The following IDE variants were observed in gnomAD, a reference collection of about 807,000 sequenced individuals.
IDE encodes insulin degrading enzyme.
In IDE, 58 loss-of-function variants were observed where a neutral mutation model predicts 133.2. The observed-to-expected ratio is 0.44, with a 90% CI of 0.35 to 0.54. The LOEUF is 0.54. Ranked by LOEUF, IDE falls within the 20% of genes least tolerant of loss-of-function variation. The pLI is 0.00. For synonymous variants in IDE, 396 were observed against 421.3 expected, an observed-to-expected ratio of 0.94 and a Z score of 0.73; for missense variants, 981 against 1,234.0, an observed-to-expected ratio of 0.79 and a Z score of 3.07.
chr10:92,481,218 T>C (rs925166894), intron 14 of IDE, among the ~76,000 whole-genome samples: 5 of 152,098 alleles, frequency 3.3e-5, no homozygotes, highest in Admixed American at 3.3e-4. Context: ...AGCCAGAAAA[T>C]CCAAGTTTTG....
intron 1 of IDE, among the ~76,000 whole-genome samples, chr10:92,549,243 T>A (rs1449697955): frequency 6.8e-6 from 1 of 147,826 alleles, no homozygotes; most frequent in African/African-American, 2.5e-5. Context: ...GGCAACAGAG[T>A]GAGACTGTGT....
At chr10:92,557,996 A>C (rs1369758645) in intron 1 of IDE, among the ~76,000 whole-genome samples, 1 of 152,220 alleles carries the variant, frequency 6.6e-6, no homozygotes, top group Non-Finnish European at 1.5e-5. Flanking sequence ...CACACCATAC[A>C]TAAAAACTAA....
At chr10:92,568,872 T>A (rs1589561344) in intron 1 of IDE, among the ~76,000 whole-genome samples, 1 of 151,746 alleles carries the variant, frequency 6.6e-6, no homozygotes. Context: ...AGGAGCAGAG[T>A]TATAATTGGA....
chr10:92,506,606 T>C (rs998415905), intron 9 of IDE, 84 bp from the exon 10 acceptor site: 15 of 657,924 alleles, frequency 2.3e-5, no homozygotes, highest in Middle Eastern at 3.3e-4. Context: ...TGGCTTGCAC[T>C]ATAAGCTTTC....
intron 11 of IDE, among the ~76,000 whole-genome samples, chr10:92,501,365 A>G (rs1848002657): frequency 8.0e-6 from 1 of 124,782 alleles, no homozygotes; most frequent in Non-Finnish European, 1.7e-5. Context: ...CTGTCATTAA[A>G]AAAAAAAAAA....
chr10:92,487,090 A>T, intron 13 of IDE, 106 bp downstream of exon 13: 1 of 1,052,044 alleles, frequency 9.5e-7, no homozygotes, highest in Non-Finnish European at 1.4e-6. Flanking sequence ...TTAGGATGTG[A>T]GCCTCCCCAA....
intron 1 of IDE, among the ~76,000 whole-genome samples, chr10:92,563,148 G>A (rs1023157637): frequency 5.9e-5 from 9 of 152,242 alleles, no homozygotes; most frequent in Admixed American, 2.0e-4. Flanking sequence ...CTACTTGGGA[G>A]GCTGAGACAG....
At chr10:92,518,083 C>T (rs1849027279) in intron 4 of IDE, among the ~76,000 whole-genome samples, 1 of 151,914 alleles carries the variant, frequency 6.6e-6, no homozygotes, top group Non-Finnish European at 1.5e-5. Context: ...AAAAAAAAGG[C>T]CTTTTGCTGG....
At chr10:92,499,815 AT>A (rs1439498622) in intron 11 of IDE, among the ~76,000 whole-genome samples, 19 of 151,536 alleles carry the variant, frequency 1.3e-4, no homozygotes, top group African/African-American at 4.6e-4. Flanking sequence ...ATATTTTTCT[AT>A]TTTTTCTGGA....
In IDE at chr10:92,508,468, C is replaced by A. The variant is rs551734885; in HGVS notation, c.1060+260G>T. Among the ~76,000 whole-genome samples the A allele has an allele frequency of 1.9e-4, 25 of 132,372 alleles. No homozygotes were observed. In the East Asian group the frequency reaches 4.9e-3, roughly 26 times the overall value. The allele number at this position is 132,372 out of a possible 152,430, so 86.8% of individuals were successfully genotyped here. ...GTGGCTCATGCCTCTAATCCCAGCACTTTAGGAGGCCAAGATGGGCGGATC... is the reference window on the plus strand; with the variant it reads ...GTGGCTCATGCCTCTAATCCCAGCAATTTAGGAGGCCAAGATGGGCGGATC... On this transcript the variant is annotated intron_variant, in intron 7 of 24. Coordinates refer to ENST00000265986, the MANE Select transcript of IDE (RefSeq NM_004969.4).
intron 4 of IDE, among the ~76,000 whole-genome samples, chr10:92,524,342 T>A (rs1262360243): frequency 2.0e-5 from 1 of 49,358 alleles, no homozygotes; most frequent in African/African-American, 8.3e-5. Flanking sequence ...ATATATTATA[T>A]TATATATAAT....
chr10:92,495,869 C>T (rs1218064501), intron 11 of IDE, among the ~76,000 whole-genome samples: 1 of 151,520 alleles, frequency 6.6e-6, no homozygotes, highest in Non-Finnish European at 1.5e-5. Context: ...ATGCTAAAAA[C>T]CATTTTTTAA....
At chr10:92,507,365 C>T (rs1014232618) in intron 9 of IDE, among the ~76,000 whole-genome samples, 4 of 152,102 alleles carry the variant, frequency 2.6e-5, no homozygotes, top group African/African-American at 7.2e-5. Flanking sequence ...AAGGGCTACA[C>T]GATGCCTTTC....
intron 4 of IDE, among the ~76,000 whole-genome samples, chr10:92,530,763 A>C (rs1849879872): frequency 1.3e-5 from 2 of 152,230 alleles, no homozygotes; most frequent in South Asian, 4.1e-4. Flanking sequence ...TAAAGAATAT[A>C]ATATCACTGC....
chr10:92,471,301 CA>C (rs1845949337), intron 17 of IDE, among the ~76,000 whole-genome samples: 1 of 152,158 alleles, frequency 6.6e-6, no homozygotes, highest in South Asian at 2.1e-4. Context: ...ATGCTAAAAT[CA>C]GTGATAGACA....
At chr10:92,492,633 A>C (rs1847425201) in intron 11 of IDE, among the ~76,000 whole-genome samples, 1 of 152,154 alleles carries the variant, frequency 6.6e-6, no homozygotes, top group Non-Finnish European at 1.5e-5. Flanking sequence ...TCCCAATTCA[A>C]ATAATATCTG....
intron 18 of IDE, 116 bp downstream of exon 18, chr10:92,470,138 G>A (rs573836516): frequency 8.5e-5 from 53 of 622,394 alleles, no homozygotes; most frequent in Non-Finnish European, 1.4e-4. Flanking sequence ...AGAGGGTTGA[G>A]TAAACTCTAA....
Position 92,552,807 on chromosome 10 carries a change from G to A in IDE, c.99-15257C>T, listed in dbSNP as rs369446367. Among the ~76,000 whole-genome samples the A allele has an allele frequency of 3.4e-3, 416 of 121,182 alleles. 2 individuals carry two copies. Among genetic ancestry groups the A allele is most frequent in the African/African-American group, 0.012 (385 of 31,630 alleles). The allele number at this position is 121,182 out of a possible 152,430, so 79.5% of individuals were successfully genotyped here. On this transcript the variant is annotated intron_variant, in intron 1 of 24. Transcript: ENST00000265986. ...TGGGAGGCAGAGATTGCAATGAGCC[G>A]AGATCACACCATTGTACTCCAGCCT...
chr10:92,469,130 A>G, intron 18 of IDE, 140 bp from the exon 19 acceptor site: 1 of 597,330 alleles, frequency 1.7e-6, no homozygotes, highest in Non-Finnish European at 3.0e-6. Flanking sequence ...TAAAAATTGA[A>G]TTTGTCAGTA....
Sources: gnomAD v4.1 joint callset for allele counts (sites outside exome capture counted in the v4.1 genomes callset) on GRCh38, gnomAD v4.1.1 for gene constraint, MANE v1.5 for transcripts, NCBI Gene and HGNC (gene_info 2026-07-23, HGNC 2026-07-21) for gene names.